The following LDB3 variants were observed in gnomAD, a reference collection of about 807,000 sequenced individuals.
LDB3 encodes LIM domain-binding protein 3.
A neutral mutation model predicts 69.0 loss-of-function variants in LDB3; 49 were observed. That is an observed-to-expected ratio of 0.71 (90% CI 0.56 to 0.90). The LOEUF (loss-of-function observed/expected upper bound fraction) is 0.90. LDB3 is among the 40% of genes least tolerant of loss of function. The pLI, the probability that LDB3 is intolerant of heterozygous loss-of-function variation, is 0.00. For missense variants in LDB3, 928 were observed against 974.1 expected, an observed-to-expected ratio of 0.95 and a Z score of 0.63; for synonymous variants, 387 against 396.2, an observed-to-expected ratio of 0.98 and a Z score of 0.28.
Position 86,710,052 on chromosome 10 carries a change from T to TA in LDB3, c.1231+4dup, listed in dbSNP as rs1318871663. Reference sequence around the variant, plus strand: ...TCCGGCCTTCTGTCTACCAGCCAGGTAAGAGGCAGAGCAGGAGGGGAGGCT... The same window carrying TA: ...TCCGGCCTTCTGTCTACCAGCCAGGTAAAGAGGCAGAGCAGGAGGGGAGGCT... On this transcript the variant is annotated splice_region_variant and intron_variant, in intron 9 of 13. Transcript: ENST00000361373. 6.2e-7 allele frequency: 1 copy of TA among 1,612,404 alleles called. No individual in the cohort carries two copies. Among genetic ancestry groups the TA allele is most frequent in the East Asian group, 2.2e-5 (1 of 44,860 alleles).
At chr10:86,691,529 C>A (rs961359181) in intron 5 of LDB3, among the ~76,000 whole-genome samples, 4 of 152,200 alleles carry the variant, frequency 2.6e-5, no homozygotes, top group Admixed American at 2.6e-4. Context: ...TCTCTCCAGC[C>A]AGCCCCAAAC....
intron 12 of LDB3, among the ~76,000 whole-genome samples, chr10:86,723,961 C>A (rs574463012): frequency 5.6e-4 from 85 of 152,208 alleles, no homozygotes; most frequent in Non-Finnish European, 1.1e-3. Flanking sequence ...AGGACTGGGG[C>A]TACTCCTTAT....
intron 11 of LDB3, 102 bp from the exon 12 acceptor site, chr10:86,718,625 C>T (rs994726440): frequency 4.0e-6 from 6 of 1,512,078 alleles, no homozygotes; most frequent in Non-Finnish European, 5.5e-6. Flanking sequence ...ATCTCCTGCC[C>T]TGTTCCCTGG....
rs1846178614 is a variant in LDB3 at position 86,699,792 on chromosome 10, A to G, written c.897-6739A>G. 1 of 1,051,912 alleles carries G rather than the reference A, an allele frequency of 9.5e-7. No individual in the cohort carries two copies. 65.2% of individuals were successfully genotyped at this position (1,051,912 alleles called of 1,614,324 possible). On this transcript the variant is annotated intron_variant, in intron 7 of 13. Transcript: ENST00000361373. The surrounding 1 kb of genome is among the most constrained non-coding windows in gnomAD (Gnocchi z 4.9). ...CCCTCCTAGAATGAGTCACCCGTAG[A>G]TCAGGGTCTGGGGAAGAGGCTGATC...
At position 86,696,080 on chromosome 10, in the gene LDB3, T is replaced by C. The variant is rs970619740; in HGVS notation, c.896+3509T>C. On this transcript the variant is annotated intron_variant, in intron 7 of 13. Coordinates refer to ENST00000361373, the MANE Select transcript of LDB3 (RefSeq NM_007078.3). ...CCCAGATCATGCAAAAATCCTTCCA[T>C]GCCCGTTTTCTATCATGCAGCCATT... Among the ~76,000 whole-genome samples the C allele has an allele frequency of 1.6e-4, 25 of 152,310 alleles. 1 individual carries two copies. The highest frequency in any genetic ancestry group is 5.5e-4 in the African/African-American group (23 of 41,574).
intron 12 of LDB3, among the ~76,000 whole-genome samples, chr10:86,723,040 G>A (rs1273841392): frequency 1.3e-5 from 2 of 151,876 alleles, no homozygotes; most frequent in African/African-American, 2.4e-5. Context: ...GCCAAGGCAG[G>A]AGGACCCCTT....
chr10:86,713,754 C>T (rs891890418), intron 9 of LDB3, among the ~76,000 whole-genome samples: 1 of 152,178 alleles, frequency 6.6e-6, no homozygotes, highest in Non-Finnish European at 1.5e-5. Context: ...GGGAGGGTGA[C>T]AATACCTCAA....
At chr10:86,685,144 TG>T (rs574301260) in intron 5 of LDB3, among the ~76,000 whole-genome samples, 45 of 152,160 alleles carry the variant, frequency 3.0e-4, no homozygotes, top group Admixed American at 1.7e-3. Context: ...AGGTCAGGTT[TG>T]GGGGGGCATA....
intron 7 of LDB3, among the ~76,000 whole-genome samples, chr10:86,702,546 A>G (rs754796884): frequency 1.8e-4 from 27 of 152,222 alleles, no homozygotes; most frequent in Non-Finnish European, 3.4e-4. Context: ...CCATGGAGCC[A>G]TGAGCATGTG....
intron 13 of LDB3, among the ~76,000 whole-genome samples, chr10:86,727,731 T>A (rs1169232879): frequency 1.3e-5 from 2 of 152,212 alleles, no homozygotes; most frequent in Non-Finnish European, 2.9e-5. Context: ...TGCAGCTGTG[T>A]AACTCCAATC....
chr10:86,688,681 A>G (rs983451642), intron 5 of LDB3, among the ~76,000 whole-genome samples: 4 of 152,218 alleles, frequency 2.6e-5, no homozygotes, highest in Admixed American at 6.5e-5. Flanking sequence ...GCCTAAGCCC[A>G]AGAGCTAACA....
At chr10:86,709,407 C>T (rs1019216071) in intron 8 of LDB3, among the ~76,000 whole-genome samples, 4 of 152,072 alleles carry the variant, frequency 2.6e-5, no homozygotes, top group East Asian at 1.9e-4. Flanking sequence ...GGGCAGCAGG[C>T]GGGGGCAGTC....
At chr10:86,688,006 T>C (rs1484416528) in intron 5 of LDB3, among the ~76,000 whole-genome samples, 2 of 152,118 alleles carry the variant, frequency 1.3e-5, no homozygotes, top group African/African-American at 4.8e-5. Context: ...TCTTTCTGTC[T>C]TCCTCCTTGT....
Position 86,679,449 on chromosome 10 carries a change from C to T in LDB3, c.176C>T (p.Thr59Ile). ...GCCATTGACGGCGTCAACACAGACA[C>T]CATGACCCACCTGGAAGCCCAGAAC... ...VVAIDGVNTD[T>I]MTHLEAQNKI... Residue 59 changes from threonine (T) to isoleucine (I), a missense_variant, in exon 3 of 14, where the codon ACC (threonine) becomes ATC (isoleucine). Transcript: ENST00000361373. The T allele has an allele frequency of 6.2e-7, 1 of 1,614,148 alleles. No individual in the cohort carries two copies. Among genetic ancestry groups the T allele is most frequent in the South Asian group, 1.1e-5 (1 of 91,068 alleles).
intron 12 of LDB3, among the ~76,000 whole-genome samples, chr10:86,720,940 A>G (rs909525040): frequency 2.7e-4 from 41 of 152,164 alleles, no homozygotes; most frequent in African/African-American, 9.4e-4. Flanking sequence ...CAGCCTGTAG[A>G]TGGAACTTTA....
chr10:86,688,742 A>G (rs1845621616), intron 5 of LDB3, among the ~76,000 whole-genome samples: 1 of 152,216 alleles, frequency 6.6e-6, no homozygotes, highest in Non-Finnish European at 1.5e-5. Context: ...GTGTGCTCTT[A>G]AAAGTAGTAG....
chr10:86,706,780 C>G, intron 8 of LDB3, 61 bp downstream of exon 8: 2 of 1,522,626 alleles, frequency 1.3e-6, no homozygotes, highest in East Asian at 4.9e-5. Flanking sequence ...ACGCCCCACT[C>G]TGGGTCTACC....
At chr10:86,672,405 A>G (rs577447165) in intron 2 of LDB3, among the ~76,000 whole-genome samples, 2 of 152,346 alleles carry the variant, frequency 1.3e-5, no homozygotes, top group East Asian at 1.9e-4. Context: ...TGTGGTGGGA[A>G]CATGCTGAGG....
intron 9 of LDB3, among the ~76,000 whole-genome samples, chr10:86,711,913 C>A (rs963306013): frequency 6.6e-6 from 1 of 151,970 alleles, no homozygotes; most frequent in Non-Finnish European, 1.5e-5. Flanking sequence ...TCCCCGAGCC[C>A]GCCGAGTGCG....
Sources: allele counts gnomAD v4.1 joint callset (sites outside exome capture counted in the v4.1 genomes callset), GRCh38; gene constraint gnomAD v4.1.1; non-coding constraint Gnocchi (gnomAD v3.1); transcripts MANE v1.5; gene names NCBI Gene and HGNC (gene_info 2026-07-23, HGNC 2026-07-21).